Variants in NOS2 observed in about 807,000 individuals in gnomAD.
The protein encoded by NOS2 is nitric oxide synthase 2, also known as nitric oxide synthase, inducible.
Under a neutral mutation model 136.0 loss-of-function variants are expected in NOS2, and 96 were observed. That is an observed-to-expected ratio of 0.71 (90% confidence interval 0.60 to 0.84). NOS2 has a LOEUF of 0.84. NOS2 is among the 40% of genes least tolerant of loss of function. The pLI is 0.00. For synonymous variants in NOS2, 539 were observed against 587.5 expected (o/e 0.92, Z 1.20); for missense variants, 1,237 against 1,496.9 (o/e 0.83, Z 2.87).
intron 2 of NOS2, among the ~76,000 whole-genome samples, chr17:27,790,860 T>G (rs1463620498): frequency 6.6e-6 from 1 of 152,316 alleles, no homozygotes; most frequent in East Asian, 1.9e-4. Flanking sequence ...ATGCCTCCCC[T>G]AGGAAGAATC....
chr17:27,798,568 T>C (rs1488724757), intron 2 of NOS2, 132 bp downstream of exon 2: 12 of 655,722 alleles, frequency 1.8e-5, no homozygotes, highest in Non-Finnish European at 3.3e-5. Context: ...AACAGGGACT[T>C]TCAAGAAGCA....
intron 2 of NOS2, among the ~76,000 whole-genome samples, chr17:27,795,690 C>T (rs1467694470): frequency 6.6e-6 from 1 of 152,208 alleles, no homozygotes; most frequent in Non-Finnish European, 1.5e-5. Context: ...GCTTCAGGGT[C>T]CTCATCTTTA....
At chr17:27,798,607 G>A in intron 2 of NOS2, 93 bp downstream of exon 2, 1 of 779,798 alleles carries the variant, frequency 1.3e-6, no homozygotes, top group Non-Finnish European at 2.3e-6. Flanking sequence ...AGGTGAGAGA[G>A]GAGGAGCAGA....
Position 27,770,978 on chromosome 17 carries a change from C to T in NOS2, c.1744G>A (p.Glu582Lys), listed in dbSNP as rs756395914. Residue 582 changes from glutamate (E) to lysine (K), a missense_variant, in exon 15 of 27, where the codon GAG becomes AAG. Physicochemically the swap from Glu to Lys is moderately conservative, Grantham distance 56. Transcript: ENST00000313735. The stretch of plus-strand genomic sequence containing the variant: ...GTCACCACCAACAGCAGCCGTTCCT[C>T]CTCCAGGCAGCTCAGCCTGTACTTA... ...MDKYRLSCLE[E>K]ERLLLVVTST... 6.2e-7 allele frequency: 1 copy of T among 1,614,170 alleles called. No individual in the cohort carries two copies. Among genetic ancestry groups the T allele is most frequent in the South Asian group, 1.1e-5 (1 of 91,072 alleles).
intron 22 of NOS2, among the ~76,000 whole-genome samples, chr17:27,761,726 T>G (rs1453631305): frequency 6.6e-6 from 1 of 152,188 alleles, no homozygotes; most frequent in African/African-American, 2.4e-5. Context: ...CATTTCAGCC[T>G]GCTCTGGCAC....
At chr17:27,798,112 T>A (rs1243952564) in intron 2 of NOS2, among the ~76,000 whole-genome samples, 1 of 152,030 alleles carries the variant, frequency 6.6e-6, no homozygotes, top group Non-Finnish European at 1.5e-5. Flanking sequence ...GTGCTGTAGA[T>A]CTCATTTCAT....
chr17:27,793,392 T>G (rs28998822), intron 2 of NOS2, among the ~76,000 whole-genome samples: 13,413 of 151,696 alleles, frequency 0.088, 788 homozygotes, highest in South Asian at 0.18. Flanking sequence ...GCATGGGGGG[T>G]TTCTCTGGGC....
chr17:27,772,184 T>C (rs772903860), intron 14 of NOS2, 124 bp downstream of exon 14: 11 of 1,060,266 alleles, frequency 1.0e-5, no homozygotes, highest in Non-Finnish European at 1.5e-5. Flanking sequence ...TCTTCCAGAT[T>C]AATGATGCAC....
chr17:27,771,555 A>G (rs1908496664), intron 14 of NOS2, among the ~76,000 whole-genome samples: 1 of 152,258 alleles, frequency 6.6e-6, no homozygotes, highest in Non-Finnish European at 1.5e-5. Flanking sequence ...CCTGGTCATC[A>G]GTCAGTGCCC....
intron 2 of NOS2, among the ~76,000 whole-genome samples, chr17:27,796,380 G>A (rs902615289): frequency 6.6e-6 from 1 of 152,194 alleles, no homozygotes; most frequent in African/African-American, 2.4e-5. Flanking sequence ...AACCTGGCAG[G>A]TGGAGGTTGC....
At chr17:27,766,123 C>A (rs189000492) in intron 19 of NOS2, among the ~76,000 whole-genome samples, 10 of 152,242 alleles carry the variant, frequency 6.6e-5, no homozygotes, top group Non-Finnish European at 1.5e-4. Context: ...ATCAATGAAA[C>A]CTGCAGATAA....
chr17:27,793,464 A>G (rs762501772), intron 2 of NOS2: 6 of 391,570 alleles, frequency 1.5e-5, no homozygotes, highest in Non-Finnish European at 2.7e-5. Flanking sequence ...CTTTTAGTAA[A>G]CCCTCAGGAA....
At chr17:27,794,493 G>A (rs1486327898) in intron 2 of NOS2, among the ~76,000 whole-genome samples, 1 of 152,172 alleles carries the variant, frequency 6.6e-6, no homozygotes, top group Non-Finnish European at 1.5e-5. Context: ...CAGCAGCCCT[G>A]GACCTCAACA....
chr17:27,798,921 G>C (rs199835078), intron 1 of NOS2, 39 bp from the exon 2 acceptor site: 2 of 727,976 alleles, frequency 2.7e-6, no homozygotes, highest in Non-Finnish European at 4.9e-6. Context: ...GGTTGAAGAA[G>C]AGTTTACAGA....
At chr17:27,790,658 G>GGT (rs2142525754) in intron 2 of NOS2, among the ~76,000 whole-genome samples, 1 of 151,682 alleles carries the variant, frequency 6.6e-6, no homozygotes, top group African/African-American at 2.4e-5. Context: ...CCTTCACCAA[G>GGT]GTAAAAACAA....
intron 11 of NOS2, among the ~76,000 whole-genome samples, chr17:27,776,268 T>TTATATATGTGTATATATAAG (rs1908654194): frequency 6.6e-6 from 1 of 152,152 alleles, no homozygotes; most frequent in Non-Finnish European, 1.5e-5. Flanking sequence ...CATACATAAG[T>TTATATATGTGTATATATAAG]TATATATGTG....
chr17:27,796,496 T>C (rs746722946), intron 2 of NOS2, among the ~76,000 whole-genome samples: 9 of 151,496 alleles, frequency 5.9e-5, no homozygotes, highest in Non-Finnish European at 1.3e-4. Context: ...AAGAAAAAAA[T>C]AGGGGATGAG....
chr17:27,759,206 AC>A, intron 25 of NOS2, 131 bp from the exon 26 acceptor site: 2 of 599,618 alleles, frequency 3.3e-6, no homozygotes, highest in Non-Finnish European at 5.7e-6. Flanking sequence ...TCCAGCCAGG[AC>A]CTTGCAAGGG....
chr17:27,763,780 A>G (rs1002108949), intron 21 of NOS2, among the ~76,000 whole-genome samples: 8 of 151,814 alleles, frequency 5.3e-5, no homozygotes, highest in African/African-American at 1.9e-4. Context: ...AGACACTTGG[A>G]AAAATTCAGT....
Sources: allele counts gnomAD v4.1 joint callset (sites outside exome capture counted in the v4.1 genomes callset), GRCh38; gene constraint gnomAD v4.1.1; transcripts MANE v1.5; gene names NCBI Gene and HGNC (gene_info 2026-07-23, HGNC 2026-07-21).